Variants in CLVS1 observed in about 807,000 individuals in gnomAD.
CLVS1 encodes the protein clavesin-1.
A neutral mutation model predicts 33.1 loss-of-function variants in CLVS1; 10 were observed. The ratio of observed to expected loss-of-function variants is 0.30; its 90% CI spans 0.19 to 0.51. The LOEUF is 0.51. Ranked by LOEUF, CLVS1 falls within the 20% of genes least tolerant of loss-of-function variation. The pLI is 0.97. For synonymous variants in CLVS1, 163 were observed against 166.1 expected (o/e 0.98, Z 0.14); for missense variants, 343 against 433.4 (o/e 0.79, Z 1.85).
intron 2 of CLVS1, among the ~76,000 whole-genome samples, chr8:61,229,842 C>T (rs1808395204): frequency 6.6e-6 from 1 of 152,178 alleles, no homozygotes; most frequent in Non-Finnish European, 1.5e-5. Context: ...GGTGACCAGG[C>T]TCTCAAACTC....
chr8:61,097,941 A>G (rs2129285860), intron 1 of CLVS1, among the ~76,000 whole-genome samples: 1 of 152,134 alleles, frequency 6.6e-6, no homozygotes, highest in East Asian at 1.9e-4. Context: ...GCTATTTTAA[A>G]AGAGCTCACA....
At chr8:61,336,024 G>A (rs1373895737) in intron 2 of CLVS1, among the ~76,000 whole-genome samples, 1 of 152,114 alleles carries the variant, frequency 6.6e-6, no homozygotes, top group East Asian at 1.9e-4. Context: ...GAGGGTAAAG[G>A]CACAGACTCT....
At chr8:61,404,723 C>A (rs113130643) in intron 3 of CLVS1, among the ~76,000 whole-genome samples, 1 of 152,226 alleles carries the variant, frequency 6.6e-6, no homozygotes, top group African/African-American at 2.4e-5. Flanking sequence ...TTTGTCCAGG[C>A]CAGTTGCATA....
intron 1 of CLVS1, among the ~76,000 whole-genome samples, chr8:61,094,202 G>C (rs1163014071): frequency 6.6e-6 from 1 of 152,184 alleles, no homozygotes; most frequent in Non-Finnish European, 1.5e-5. Flanking sequence ...CCTGCTCTGA[G>C]ATACCAGTGC....
chr8:61,250,311 G>T (rs546581104), intron 2 of CLVS1, among the ~76,000 whole-genome samples: 2 of 152,276 alleles, frequency 1.3e-5, no homozygotes, highest in East Asian at 3.9e-4. Flanking sequence ...TGCTGTTTTG[G>T]TTACTGTTGC....
At chr8:61,399,065 C>T (rs1814647846) in intron 3 of CLVS1, among the ~76,000 whole-genome samples, 1 of 152,020 alleles carries the variant, frequency 6.6e-6, no homozygotes, top group Non-Finnish European at 1.5e-5. Flanking sequence ...GGGTATATAC[C>T]CAGTAAAAGA....
At chr8:61,136,938 A>C (rs1806200442) in intron 2 of CLVS1, among the ~76,000 whole-genome samples, 1 of 152,230 alleles carries the variant, frequency 6.6e-6, no homozygotes, top group Non-Finnish European at 1.5e-5. Flanking sequence ...CAGCTGTATA[A>C]TCCCACTGGC....
At chr8:61,164,272 T>G (rs1362257511) in intron 2 of CLVS1, among the ~76,000 whole-genome samples, 8 of 152,192 alleles carry the variant, frequency 5.3e-5, no homozygotes, top group Admixed American at 3.9e-4. Context: ...CTCATTGCTA[T>G]TATAGGAGTT....
chr8:61,051,911 A>C, the CLVS1 span, among the ~76,000 whole-genome samples: 1 of 152,164 alleles, frequency 6.6e-6, no homozygotes, highest in African/African-American at 2.4e-5. Flanking sequence ...TATCCCACCC[A>C]CATTTTTCCT....
chr8:61,469,674 A>T (rs1030084425), intron 5 of CLVS1, among the ~76,000 whole-genome samples: 2 of 152,200 alleles, frequency 1.3e-5, no homozygotes, highest in Non-Finnish European at 2.9e-5. Context: ...ATCATCATGA[A>T]ATACCATCTA....
chr8:61,429,763 G>C (rs1298809836), intron 3 of CLVS1, among the ~76,000 whole-genome samples: 1 of 152,212 alleles, frequency 6.6e-6, no homozygotes, highest in South Asian at 2.1e-4. Context: ...AACAAATATA[G>C]TGGCTTTTGG....
chr8:61,367,000 G>C (rs576252785), intron 2 of CLVS1, among the ~76,000 whole-genome samples: 1 of 152,184 alleles, frequency 6.6e-6, no homozygotes, highest in East Asian at 1.9e-4. Flanking sequence ...CCTCCTACCT[G>C]ACTTAGTTCC....
chr8:61,018,369 G>A, the CLVS1 span, among the ~76,000 whole-genome samples: 1 of 152,216 alleles, frequency 6.6e-6, no homozygotes, highest in Non-Finnish European at 1.5e-5. Flanking sequence ...GGGAGGGAGT[G>A]CCTAATTCTG....
At chr8:60,993,071 T>A in the CLVS1 span, among the ~76,000 whole-genome samples, 20 of 152,340 alleles carry the variant, frequency 1.3e-4, no homozygotes, top group African/African-American at 4.8e-4. Flanking sequence ...CATGAAGGGA[T>A]GAGAAAGAGC....
At chr8:61,071,171 C>T (rs1804790521) in intron 1 of CLVS1, among the ~76,000 whole-genome samples, 1 of 152,218 alleles carries the variant, frequency 6.6e-6, no homozygotes, top group African/African-American at 2.4e-5. Flanking sequence ...GAAAAGTATG[C>T]AACTGCATGT....
chr8:61,257,304 G>T (rs1245597380), intron 2 of CLVS1, among the ~76,000 whole-genome samples: 1 of 152,148 alleles, frequency 6.6e-6, no homozygotes, highest in East Asian at 1.9e-4. Context: ...TGACGTTCAG[G>T]CCTTGACTTC....
In CLVS1 at chr8:61,447,740, T is replaced by G. The variant is rs116020186; in HGVS notation, c.631-6401T>G. On this transcript the variant is annotated intron_variant, in intron 3 of 5. Transcript: ENST00000325897. ...TTTGAACCACATCAGAGTATCATAATTTTTACTTCAACTATCAAAGACAAT... is the reference window on the plus strand; with the variant it reads ...TTTGAACCACATCAGAGTATCATAAGTTTTACTTCAACTATCAAAGACAAT... 9.9e-3 allele frequency among the ~76,000 whole-genome samples: 1,503 copies of G among 152,168 alleles called. 27 individuals are homozygous for G. Among genetic ancestry groups the G allele is most frequent in the African/African-American group, 0.035 (1,445 of 41,548 alleles).
chr8:61,438,536 A>G (rs34736794), intron 3 of CLVS1, among the ~76,000 whole-genome samples: 11,480 of 152,246 alleles, frequency 0.075, 470 homozygotes, highest in Non-Finnish European at 0.089. Context: ...TCCTTTGGGT[A>G]TATACCCAGT....
At chr8:61,023,894 G>A in the CLVS1 span, among the ~76,000 whole-genome samples, 1 of 152,240 alleles carries the variant, frequency 6.6e-6, no homozygotes, top group African/African-American at 2.4e-5. Flanking sequence ...GAGACTGGCT[G>A]CTGAGGCTGG....
Sources: allele counts gnomAD v4.1 joint callset (sites outside exome capture counted in the v4.1 genomes callset), GRCh38; gene constraint gnomAD v4.1.1; transcripts MANE v1.5; gene names NCBI Gene and HGNC (gene_info 2026-07-23, HGNC 2026-07-21).